Variants in ANKRD55 observed in about 807,000 individuals in gnomAD.
ANKRD55 encodes the protein ankyrin repeat domain-containing protein 55.
In ANKRD55, 41 loss-of-function variants were observed where a neutral mutation model predicts 60.6. That is an observed-to-expected ratio of 0.68 (90% confidence interval 0.53 to 0.88). ANKRD55 has a LOEUF of 0.88. ANKRD55 is among the 40% of genes least tolerant of loss of function. The probability of loss-of-function intolerance (pLI) is 0.00; values close to 1 mark genes in which losing one functional copy is unlikely to be tolerated. For missense variants in ANKRD55, 732 were observed against 767.6 expected, an observed-to-expected ratio of 0.95 and a Z score of 0.55; for synonymous variants, 264 against 290.3, an observed-to-expected ratio of 0.91 and a Z score of 0.92.
At chr5:56,150,216 A>T (rs1419069800) in intron 6 of ANKRD55, among the ~76,000 whole-genome samples, 1 of 152,108 alleles carries the variant, frequency 6.6e-6, no homozygotes, top group African/African-American at 2.4e-5. Context: ...AGTAGTATAA[A>T]CAGTACCTGT....
At chr5:56,124,663 A>C (rs534587659) in intron 8 of ANKRD55, among the ~76,000 whole-genome samples, 1 of 151,452 alleles carries the variant, frequency 6.6e-6, no homozygotes, top group Non-Finnish European at 1.5e-5. Flanking sequence ...GTGCGCCACC[A>C]CGCCCGGCTA....
chr5:56,192,658 C>G, intron 2 of ANKRD55: 1 of 1,041,770 alleles, frequency 9.6e-7, no homozygotes, highest in Non-Finnish European at 1.5e-6. Flanking sequence ...AGGGTGACAC[C>G]CAGACTAATG....
chr5:56,107,896 G>A (rs1561249005), intron 10 of ANKRD55, among the ~76,000 whole-genome samples: 1 of 150,842 alleles, frequency 6.6e-6, no homozygotes, highest in Admixed American at 6.6e-5. Context: ...TTGAGACAGG[G>A]CCTCACTTTG....
chr5:56,226,081 A>G (rs1179595493), intron 2 of ANKRD55, among the ~76,000 whole-genome samples: 1 of 152,226 alleles, frequency 6.6e-6, no homozygotes, highest in African/African-American at 2.4e-5. Flanking sequence ...ACTTCAATCT[A>G]TACTACAAGG....
intron 2 of ANKRD55, among the ~76,000 whole-genome samples, chr5:56,217,231 T>C (rs1355192635): frequency 2.0e-5 from 3 of 152,200 alleles, no homozygotes; most frequent in African/African-American, 7.2e-5. Context: ...AGCCTACTAT[T>C]GAGACCTACT....
rs114607176 is a variant in ANKRD55, at chr5:56,134,843, G to A, written c.613-7737C>T. On this transcript the variant is annotated intron_variant, in intron 7 of 11. Transcript: ENST00000341048. ...AACTTTCATAAAGATAGATGTAAAT[G>A]TCCTCAACAACATATTAGTGAATAG... 2.3e-3 allele frequency among the ~76,000 whole-genome samples: 343 copies of A among 152,180 alleles called. 1 individual carries two copies. Among genetic ancestry groups the A allele is most frequent in the African/African-American group, 7.9e-3 (326 of 41,514 alleles).
At chr5:56,104,508 G>T (rs1314821423) in intron 10 of ANKRD55, among the ~76,000 whole-genome samples, 4 of 152,066 alleles carry the variant, frequency 2.6e-5, no homozygotes, top group African/African-American at 9.7e-5. Context: ...GGACAGGGTG[G>T]AGCCGTGCAT....
intron 7 of ANKRD55, among the ~76,000 whole-genome samples, chr5:56,135,285 TG>T (rs1561263924): frequency 2.9e-4 from 14 of 49,026 alleles, no homozygotes; most frequent in African/African-American, 1.4e-3. Flanking sequence ...CCTCCCTGCC[TG>T]CCTGCTTGCT....
intron 7 of ANKRD55, among the ~76,000 whole-genome samples, chr5:56,136,603 A>C (rs1252575102): frequency 6.6e-6 from 1 of 152,146 alleles, no homozygotes; most frequent in African/African-American, 2.4e-5. Context: ...ATTGACTCAA[A>C]ACTGATCACA....
At chr5:56,214,999 G>A (rs191893394) in intron 2 of ANKRD55, among the ~76,000 whole-genome samples, 47 of 152,278 alleles carry the variant, frequency 3.1e-4, no homozygotes, top group Admixed American at 1.4e-3. Context: ...GATTTACTGT[G>A]GTGAATTGAA....
At chr5:56,124,845 C>CA (rs1234474236) in intron 8 of ANKRD55, among the ~76,000 whole-genome samples, 2 of 152,092 alleles carry the variant, frequency 1.3e-5, no homozygotes, top group African/African-American at 4.8e-5. Context: ...ATAGCTTCAG[C>CA]ATGAAGGCAG....
rs749372592 is a variant in ANKRD55, at chr5:56,116,700, G to C, written c.880C>G (p.Arg294Gly). ...AAGGGCGTGCTCTCATTGATGTCCC[G>C]CAGGTTGCTGTCCATTCCCAACTCC... Reference protein sequence around the residue: ...LLELGMDSNLRDINESTPLAY... With the variant: ...LLELGMDSNLGDINESTPLAY... Residue 294 changes from arginine (R) to glycine (G), a missense_variant, in exon 9 of 12, where the codon CGG becomes GGG. Around this residue, in one of 3 missense-constraint regions of ANKRD55, gnomAD observed 597 missense variants for 607.5 expected, o/e 0.98. Transcript: ENST00000341048. 4.3e-6 allele frequency: 7 copies of C among 1,613,928 alleles called. No individual in the cohort carries two copies. The highest frequency in any genetic ancestry group is 5.9e-6 in the Non-Finnish European group (7 of 1,179,888).
At chr5:56,224,341 T>C (rs1296629984) in intron 2 of ANKRD55, among the ~76,000 whole-genome samples, 1 of 152,202 alleles carries the variant, frequency 6.6e-6, no homozygotes, top group Non-Finnish European at 1.5e-5. Flanking sequence ...TAAGGCAGTG[T>C]GTAGAGGGAA....
At chr5:56,231,680 C>T (rs1170064631) in intron 2 of ANKRD55, among the ~76,000 whole-genome samples, 5 of 151,324 alleles carry the variant, frequency 3.3e-5, no homozygotes, top group African/African-American at 9.7e-5. Context: ...CACACACACA[C>T]ACACACACAC....
At chr5:56,203,281 C>T (rs1194356689) in intron 2 of ANKRD55, among the ~76,000 whole-genome samples, 3 of 151,980 alleles carry the variant, frequency 2.0e-5, no homozygotes, top group Non-Finnish European at 4.4e-5. Context: ...GGGGTGGTTC[C>T]CCCATGCTGC....
chr5:56,166,154 C>CTCTCTTCT (rs1758467173), intron 5 of ANKRD55, among the ~76,000 whole-genome samples: 6 of 71,476 alleles, frequency 8.4e-5, no homozygotes, highest in Non-Finnish European at 7.6e-5. Context: ...TTCTTTCTTT[C>CTCTCTTCT]TTCTTTCCTT....
At chr5:56,176,851 T>G (rs2111823209) in intron 3 of ANKRD55, among the ~76,000 whole-genome samples, 1 of 152,348 alleles carries the variant, frequency 6.6e-6, no homozygotes, top group Non-Finnish European at 1.5e-5. Context: ...AAATTACACA[T>G]TTTGATGAAC....
At chr5:56,170,617 G>T in intron 5 of ANKRD55, 77 bp downstream of exon 5, 1 of 1,175,704 alleles carries the variant, frequency 8.5e-7, no homozygotes, top group Non-Finnish European at 1.3e-6. Context: ...ATCAGCCACA[G>T]AGGGATGGAT....
chr5:56,159,799 A>G (rs769794239), intron 6 of ANKRD55, 34 bp downstream of exon 6: 1 of 1,610,212 alleles, frequency 6.2e-7, no homozygotes, highest in African/African-American at 1.3e-5. Flanking sequence ...CTCACATGCA[A>G]AATGACCACT....
Sources: allele counts gnomAD v4.1 joint callset (sites outside exome capture counted in the v4.1 genomes callset), GRCh38; gene constraint gnomAD v4.1.1; regional missense constraint gnomAD v4.1.1; transcripts MANE v1.5; gene names NCBI Gene and HGNC (gene_info 2026-07-23, HGNC 2026-07-21).